FOXN3: variants seen among roughly 807,000 people sequenced by gnomAD.
FOXN3 encodes forkhead box N3.
Under a neutral mutation model 38.4 loss-of-function variants are expected in FOXN3, and 7 were observed. The observed-to-expected ratio is 0.18, with a 90% CI of 0.10 to 0.34. FOXN3 has a LOEUF of 0.34. Among genes scored for constraint, FOXN3 ranks in the 10% least tolerant of loss-of-function variants. The pLI is 1.00. For synonymous variants in FOXN3, 230 were observed against 242.2 expected, an observed-to-expected ratio of 0.95 and a Z score of 0.47; for missense variants, 456 against 613.4, an observed-to-expected ratio of 0.74 and a Z score of 2.71.
In FOXN3 at chr14:89,412,715, C is replaced by T. The variant is rs896612479; in HGVS notation, c.-14-225G>A. Among the ~76,000 whole-genome samples the T allele has an allele frequency of 1.3e-4, 20 of 152,128 alleles. No individual in the cohort carries two copies. Among genetic ancestry groups the T allele is most frequent in the African/African-American group, 4.6e-4 (19 of 41,432 alleles). On this transcript the variant is annotated intron_variant, in intron 1 of 5. Coordinates refer to ENST00000557258, the MANE Select transcript of FOXN3 (RefSeq NM_005197.4). This position sits in a 1 kb window ranked among gnomAD's most constrained non-coding sequence, Gnocchi z 4.7. The stretch of plus-strand genomic sequence containing the variant: ...GCCCGCCATTCATATAGCAAGGTGA[C>T]CTGATGCCCCTTAAATAAAATAAGA...
chr14:89,608,010 G>A (rs533322248), intron 1 of FOXN3, among the ~76,000 whole-genome samples: 3 of 145,640 alleles, frequency 2.1e-5, no homozygotes, highest in South Asian at 4.4e-4. Context: ...ACAGAGTCTC[G>A]CTCTGTCACC....
At chr14:89,397,515 A>AAGC (rs948582679) in intron 2 of FOXN3, among the ~76,000 whole-genome samples, 7 of 151,236 alleles carry the variant, frequency 4.6e-5, no homozygotes, top group Admixed American at 3.9e-4. Flanking sequence ...CATCAGAAGG[A>AAGC]AGCACTTGAC....
intron 4 of FOXN3, among the ~76,000 whole-genome samples, chr14:89,258,305 AAAAGG>A (rs2139888373): frequency 6.6e-6 from 1 of 152,324 alleles, no homozygotes; most frequent in African/African-American, 2.4e-5. Flanking sequence ...AAGGGAGGAG[AAAAGG>A]AAAGGGGAAA....
intron 1 of FOXN3, among the ~76,000 whole-genome samples, chr14:89,478,060 C>A (rs1487118980): frequency 6.6e-6 from 1 of 152,144 alleles, no homozygotes; most frequent in Non-Finnish European, 1.5e-5. Flanking sequence ...GTGGAGGTGT[C>A]TGGGTCATGG....
At chr14:89,188,664 T>C (rs1887869526) in intron 4 of FOXN3, among the ~76,000 whole-genome samples, 1 of 152,226 alleles carries the variant, frequency 6.6e-6, no homozygotes, top group African/African-American at 2.4e-5. Flanking sequence ...AAACTAATGA[T>C]CACTGTGTAG....
intron 1 of FOXN3, among the ~76,000 whole-genome samples, chr14:89,511,193 T>TTTCTTTCTTTC (rs1566681007): frequency 1.3e-4 from 2 of 15,888 alleles, no homozygotes; most frequent in East Asian, 1.1e-3. Context: ...TTCTTTCTTT[T>TTTCTTTCTTTC]CTTTCTTTCT....
At chr14:89,511,670 G>C (rs1424421174) in intron 1 of FOXN3, among the ~76,000 whole-genome samples, 1 of 152,076 alleles carries the variant, frequency 6.6e-6, no homozygotes, top group Non-Finnish European at 1.5e-5. Flanking sequence ...TTGCAGTCCT[G>C]ATATGAAGAG....
At chr14:89,284,812 T>C (rs759211167) in intron 3 of FOXN3, among the ~76,000 whole-genome samples, 4 of 152,138 alleles carry the variant, frequency 2.6e-5, no homozygotes, top group Admixed American at 6.5e-5. Context: ...TTTGAGAACA[T>C]TGATCCAGCT....
At position 89,213,655 on chromosome 14, in the gene FOXN3, G is replaced by C. The variant is rs547467433; in HGVS notation, c.746-32849C>G. ...AAGTAAAACTTAAGTATTTGTTTTT[G>C]GCTAGCTACTGGTTTGAGGACATGA... On this transcript the variant is annotated intron_variant, in intron 4 of 5. Transcript: ENST00000557258. Among the ~76,000 whole-genome samples the C allele has an allele frequency of 6.0e-4, 92 of 152,246 alleles. 1 individual carries two copies. Among genetic ancestry groups the C allele is most frequent in the South Asian group, 4.1e-3 (20 of 4,822 alleles).
At position 89,157,211 on chromosome 14, in the gene FOXN3, A is replaced by T. The variant is rs527911663; in HGVS notation, c.*5203T>A. On this transcript the variant is annotated 3_prime_UTR_variant, in exon 6 of 6. Coordinates refer to ENST00000557258, the MANE Select transcript of FOXN3 (RefSeq NM_005197.4). ...ACACACGTCTGATTTCAGAAGTACAACAGCAAGGTGCAGCACCATAGACAC... is the reference window on the plus strand; with the variant it reads ...ACACACGTCTGATTTCAGAAGTACATCAGCAAGGTGCAGCACCATAGACAC... 6.5e-6 allele frequency: 1 copy of T among 152,772 alleles called. No homozygotes were observed. The highest frequency in any genetic ancestry group is 6.5e-5 in the Admixed American group (1 of 15,310). 9.5% of individuals were successfully genotyped at this position (152,772 alleles called of 1,614,324 possible). A position where few individuals can be genotyped will look rare whatever the true frequency, so the allele number is the denominator to read the frequency against.
At chr14:89,235,933 T>A (rs922798882) in intron 4 of FOXN3, among the ~76,000 whole-genome samples, 1 of 152,002 alleles carries the variant, frequency 6.6e-6, no homozygotes, top group Non-Finnish European at 1.5e-5. Flanking sequence ...AGCCACTAGG[T>A]TTGGGGTGAT....
intron 1 of FOXN3, among the ~76,000 whole-genome samples, chr14:89,415,604 C>CAA (rs34026101): frequency 0.027 from 1,478 of 54,216 alleles, 181 homozygotes; most frequent in Non-Finnish European, 0.043. Flanking sequence ...CAACAATAAC[C>CAA]AAAAAAAAAA....
rs138132720 is a variant in FOXN3, at chr14:89,227,515, T to C, written c.746-46709A>G. ...TGGAATATAATAGTCGGTGAACTCA[T>C]GAAATGTGGCGGGTCAGTCATGTTG... On this transcript the variant is annotated intron_variant, in intron 4 of 5. Transcript: ENST00000557258. Among the ~76,000 whole-genome samples, 40 of 152,328 alleles carry C rather than the reference T, an allele frequency of 2.6e-4. 1 individual carries two copies. Among genetic ancestry groups the C allele is most frequent in the Admixed American group, 2.5e-3 (38 of 15,298 alleles).
At chr14:89,344,386 A>G (rs1472471420) in intron 3 of FOXN3, among the ~76,000 whole-genome samples, 1 of 152,212 alleles carries the variant, frequency 6.6e-6, no homozygotes, top group African/African-American at 2.4e-5. Flanking sequence ...TTACCAAGGA[A>G]ACACAAAACA....
intron 1 of FOXN3, among the ~76,000 whole-genome samples, chr14:89,448,521 G>C (rs896706148): frequency 2.0e-5 from 3 of 152,080 alleles, no homozygotes; most frequent in African/African-American, 4.8e-5. Flanking sequence ...CCTCCCCTTT[G>C]CCCACTGCTT....
intron 1 of FOXN3, among the ~76,000 whole-genome samples, chr14:89,591,093 T>C (rs761822918): frequency 1.3e-5 from 2 of 152,242 alleles, no homozygotes; most frequent in Non-Finnish European, 2.9e-5. Flanking sequence ...AAATTTGATA[T>C]GGCTTACTCT....
chr14:89,359,085 G>C (rs1326958906), intron 2 of FOXN3, among the ~76,000 whole-genome samples: 1 of 152,028 alleles, frequency 6.6e-6, no homozygotes, highest in Non-Finnish European at 1.5e-5. Flanking sequence ...AGGATCACCT[G>C]AGGAGTTTGA....
intron 1 of FOXN3, among the ~76,000 whole-genome samples, chr14:89,445,423 C>A (rs1161681853): frequency 6.6e-6 from 1 of 152,172 alleles, no homozygotes; most frequent in Non-Finnish European, 1.5e-5. Context: ...GCCAGGTACA[C>A]CAATCATGCC....
chr14:89,603,118 A>AG (rs1331378779), intron 1 of FOXN3, among the ~76,000 whole-genome samples: 2 of 152,092 alleles, frequency 1.3e-5, no homozygotes, highest in African/African-American at 4.8e-5. Context: ...GCTAATGGAA[A>AG]GGGAAAAAAA....
Sources: allele counts gnomAD v4.1 joint callset (sites outside exome capture counted in the v4.1 genomes callset), GRCh38; gene constraint gnomAD v4.1.1; non-coding constraint Gnocchi (gnomAD v3.1); transcripts MANE v1.5; gene names NCBI Gene and HGNC (gene_info 2026-07-23, HGNC 2026-07-21).